SLC15A5: variants seen among roughly 807,000 people sequenced by gnomAD.
The protein encoded by SLC15A5 is Peptide/histidine transporter ENSP00000340402.
SLC15A5 carries 58 observed loss-of-function variants against 56.1 expected under a neutral mutation model. The ratio of observed to expected loss-of-function variants is 1.03; its 90% CI spans 0.84 to 1.29. The LOEUF (loss-of-function observed/expected upper bound fraction) is 1.29, where lower values mean the gene tolerates loss of function less well. Among genes scored for constraint, SLC15A5 ranks in the 50% most tolerant of loss-of-function variants. The pLI, the probability that SLC15A5 is intolerant of heterozygous loss-of-function variation, is 0.00. For missense variants in SLC15A5, 681 were observed against 672.1 expected, an observed-to-expected ratio of 1.01 and a Z score of -0.15; for synonymous variants, 264 against 250.5, an observed-to-expected ratio of 1.05 and a Z score of -0.51.
chr12:16,216,862 G>T (rs1298456373), intron 7 of SLC15A5, 31 bp downstream of exon 7: 1 of 1,524,744 alleles, frequency 6.6e-7, no homozygotes, highest in Admixed American at 2.0e-5. Context: ...TCAACTCAAT[G>T]TATATAAGCA....
intron 6 of SLC15A5, among the ~76,000 whole-genome samples, chr12:16,221,577 CAAATCAT>C (rs1373419137): frequency 6.6e-6 from 1 of 152,094 alleles, no homozygotes; most frequent in African/African-American, 2.4e-5. Flanking sequence ...ACGTGGAGAC[CAAATCAT>C]GTGGAACATT....
At chr12:16,207,923 G>A (rs1384159651) in intron 7 of SLC15A5, among the ~76,000 whole-genome samples, 3 of 152,150 alleles carry the variant, frequency 2.0e-5, no homozygotes, top group African/African-American at 7.2e-5. Context: ...AAAATGCTGG[G>A]ATTACAGGCG....
intron 7 of SLC15A5, among the ~76,000 whole-genome samples, chr12:16,197,691 T>G (rs544888506): frequency 1.3e-5 from 2 of 151,868 alleles, no homozygotes; most frequent in South Asian, 4.2e-4. Flanking sequence ...CACACCATCA[T>G]GTAGCCTGAG....
Position 16,196,926 on chromosome 12 carries a change from C to T in SLC15A5, c.1484-2473G>A, listed in dbSNP as rs1374913535. 1.3e-5 allele frequency among the ~76,000 whole-genome samples: 2 copies of T among 151,926 alleles called. No homozygotes were observed. Among genetic ancestry groups the T allele is most frequent in the African/African-American group, 4.8e-5 (2 of 41,348 alleles). On this transcript the variant is annotated intron_variant, in intron 7 of 8. Transcript: ENST00000344941. The surrounding 1 kb of genome is among the most constrained non-coding windows in gnomAD (Gnocchi z 4.0). ...CCTGGGCACACCAGAGCACTCTCAT[C>T]ACTGGGGATGCTGTGGAAAACAGAA...
At chr12:16,209,756 A>G (rs1864060895) in intron 7 of SLC15A5, among the ~76,000 whole-genome samples, 1 of 152,160 alleles carries the variant, frequency 6.6e-6, no homozygotes, top group Admixed American at 6.5e-5. Flanking sequence ...TACATCTAAA[A>G]TATAGCTTAT....
chr12:16,190,855 A>G (rs1863832748), intron 8 of SLC15A5, among the ~76,000 whole-genome samples: 1 of 152,248 alleles, frequency 6.6e-6, no homozygotes, highest in Non-Finnish European at 1.5e-5. Flanking sequence ...AAAGATTACT[A>G]GAATATTTGA....
intron 5 of SLC15A5, among the ~76,000 whole-genome samples, chr12:16,230,969 G>T (rs1241035329): frequency 1.3e-5 from 2 of 151,822 alleles, no homozygotes; most frequent in Non-Finnish European, 2.9e-5. Context: ...GTTCTTCAAG[G>T]TTTAGGACCT....
chr12:16,213,629 C>T (rs899913137), intron 7 of SLC15A5, among the ~76,000 whole-genome samples: 2 of 152,132 alleles, frequency 1.3e-5, no homozygotes, highest in African/African-American at 4.8e-5. Context: ...CAACATTCAA[C>T]TCTATGATTG....
chr12:16,275,897 T>C (rs1413739313), intron 1 of SLC15A5, among the ~76,000 whole-genome samples: 2 of 151,968 alleles, frequency 1.3e-5, no homozygotes, highest in Admixed American at 6.6e-5. Flanking sequence ...TGTCTTCTTA[T>C]CAGAAAACTT....
chr12:16,262,021 C>T (rs574099771), intron 2 of SLC15A5, among the ~76,000 whole-genome samples: 8 of 152,078 alleles, frequency 5.3e-5, no homozygotes, highest in East Asian at 3.9e-4. Flanking sequence ...TTTCATGGAT[C>T]GTCCTTTTAG....
chr12:16,196,382 GTGTGTGTGCA>G lies in SLC15A5; in HGVS notation c.1484-1939_1484-1930del, dbSNP rs1008748860. Among the ~76,000 whole-genome samples, 1 of 151,978 alleles carries G rather than the reference GTGTGTGTGCA, an allele frequency of 6.6e-6. No homozygotes were observed. The highest frequency in any genetic ancestry group is 6.6e-5 in the Admixed American group (1 of 15,226). On this transcript the variant is annotated intron_variant, in intron 7 of 8. Transcript: ENST00000344941. The surrounding 1 kb of genome is among the most constrained non-coding windows in gnomAD (Gnocchi z 4.0). ...TTTTGATGTGTATATGTGTGCTTTT[GTGTGTGTGCA>G]TGTGTGTGTGTGTGCCCGTGCATGT...
rs535819786 is a variant in SLC15A5 at position 16,215,094 on chromosome 12, G to A, written c.1483+1799C>T. Among the ~76,000 whole-genome samples, 107 of 151,468 alleles carry A rather than the reference G, an allele frequency of 7.1e-4. 2 individuals are homozygous for A. Among genetic ancestry groups the A allele is most frequent in the African/African-American group, 2.4e-3 (99 of 41,314 alleles). On this transcript the variant is annotated intron_variant, in intron 7 of 8. Coordinates refer to ENST00000344941, the MANE Select transcript of SLC15A5 (RefSeq NM_001170798.1). ...GGTGTGCACCTGTAGTACCAGCTAC[G>A]CGGGAGGCTGAGGCAGGAGAATTGC...
At chr12:16,266,077 C>T (rs61916977) in intron 2 of SLC15A5, among the ~76,000 whole-genome samples, 7,813 of 152,230 alleles carry the variant, frequency 0.051, 280 homozygotes, top group African/African-American at 0.091. Context: ...CCACATTGAG[C>T]AAACTGATTT....
chr12:16,241,518 T>G (rs1864414915), intron 4 of SLC15A5, among the ~76,000 whole-genome samples: 1 of 152,238 alleles, frequency 6.6e-6, no homozygotes, highest in Admixed American at 6.5e-5. Flanking sequence ...CGTGTCCTGG[T>G]GATCATTTAT....
chr12:16,199,720 A>G lies in SLC15A5; in HGVS notation c.1484-5267T>C, dbSNP rs572183669. Among the ~76,000 whole-genome samples, 44 of 152,284 alleles carry G rather than the reference A, an allele frequency of 2.9e-4. No homozygotes were observed. The South Asian group carries it at 8.9e-3, about 31-fold the overall frequency. On this transcript the variant is annotated intron_variant, in intron 7 of 8. Coordinates refer to ENST00000344941, the MANE Select transcript of SLC15A5 (RefSeq NM_001170798.1). ...GATCACACGTATCTTGAAAACAAGT[A>G]CACCTAGTATGTATCAATAAAAAAT...
intron 8 of SLC15A5, among the ~76,000 whole-genome samples, chr12:16,193,814 A>AGAGG (rs1863864361): frequency 1.4e-5 from 2 of 142,122 alleles, no homozygotes; most frequent in South Asian, 4.6e-4. Flanking sequence ...AGAGAGAGAG[A>AGAGG]GAGAGAGAGA....
At chr12:16,250,440 T>A (rs1052626480) in intron 3 of SLC15A5, among the ~76,000 whole-genome samples, 1 of 152,014 alleles carries the variant, frequency 6.6e-6, no homozygotes, top group South Asian at 2.1e-4. Context: ...GCTTCATTTT[T>A]AAAAATGTAA....
Position 16,224,423 on chromosome 12 carries a change from T to A in SLC15A5, c.1342A>T (p.Asn448Tyr). 3.3e-6 allele frequency: 5 copies of A among 1,537,174 alleles called. No individual in the cohort carries two copies. Among genetic ancestry groups the A allele is most frequent in the Non-Finnish European group, 4.4e-6 (5 of 1,146,844 alleles). Reference sequence around the variant, plus strand: ...AAAGGTGTTTACTCACGGGCTGGGTTTACCAGTGTTTCCGCCACTCCAAGT... The same window carrying A: ...AAAGGTGTTTACTCACGGGCTGGGTATACCAGTGTTTCCGCCACTCCAAGT... ...VLLGVAETLV[N>Y]PALSVISYRF... The change falls in exon 6 of 9, where the codon AAC (asparagine) becomes TAC (tyrosine). Residue 448 changes from asparagine to tyrosine, a missense_variant. Coordinates refer to ENST00000344941, the MANE Select transcript of SLC15A5 (RefSeq NM_001170798.1).
Position 16,194,469 on chromosome 12 carries a change from G to A in SLC15A5, c.1484-16C>T. 2.0e-6 allele frequency: 3 copies of A among 1,469,294 alleles called. No individual in the cohort carries two copies. Among genetic ancestry groups the A allele is most frequent in the Non-Finnish European group, 2.8e-6 (3 of 1,086,842 alleles). 91.0% of individuals were successfully genotyped at this position (1,469,294 alleles called of 1,614,324 possible). A position where few individuals can be genotyped will look rare whatever the true frequency, so the allele number is the denominator to read the frequency against. On this transcript the variant is annotated splice_polypyrimidine_tract_variant and intron_variant, in intron 7 of 8. Transcript: ENST00000344941. Reference sequence around the variant, plus strand: ...AACCAATTGCCTGTTTGGAACAAATGTAATTGTTATTCAACTGCAGAGTTG... The same window carrying A: ...AACCAATTGCCTGTTTGGAACAAATATAATTGTTATTCAACTGCAGAGTTG...
Sources: allele counts gnomAD v4.1 joint callset (sites outside exome capture counted in the v4.1 genomes callset), GRCh38; gene constraint gnomAD v4.1.1; non-coding constraint Gnocchi (gnomAD v3.1); transcripts MANE v1.5; gene names NCBI Gene and HGNC (gene_info 2026-07-23, HGNC 2026-07-21).